Variants in KLHL29 observed in about 807,000 individuals in gnomAD.
KLHL29 encodes the protein kelch like family member 29.
A neutral mutation model predicts 80.4 loss-of-function variants in KLHL29; 21 were observed. The observed-to-expected ratio is 0.26, with a 90% CI of 0.19 to 0.38. The LOEUF is 0.38. KLHL29 is among the 10% of genes least tolerant of loss of function. The pLI is 1.00. For synonymous variants in KLHL29, 511 were observed against 526.8 expected, an observed-to-expected ratio of 0.97 and a Z score of 0.41; for missense variants, 867 against 1,223.9, an observed-to-expected ratio of 0.71 and a Z score of 4.35.
At chr2:23,543,439 A>AC (rs1360626641) in intron 2 of KLHL29, among the ~76,000 whole-genome samples, 2 of 151,860 alleles carry the variant, frequency 1.3e-5, no homozygotes, top group Non-Finnish European at 2.9e-5. Context: ...ACAGTGCCTG[A>AC]CCCCCAGTAG....
chr2:23,655,894 A>G (rs1670231276), intron 5 of KLHL29, among the ~76,000 whole-genome samples: 1 of 152,130 alleles, frequency 6.6e-6, no homozygotes, highest in South Asian at 2.1e-4. Context: ...CTGAACGGGA[A>G]TCATCACGCG....
chr2:23,403,023 G>A (rs1001149618), intron 1 of KLHL29, among the ~76,000 whole-genome samples: 1 of 149,254 alleles, frequency 6.7e-6, no homozygotes, highest in African/African-American at 2.5e-5. Flanking sequence ...TATATATAGT[G>A]TACACTATAA....
chr2:23,391,669 A>T (rs1394890753), intron 1 of KLHL29, among the ~76,000 whole-genome samples: 1 of 152,150 alleles, frequency 6.6e-6, no homozygotes, highest in Non-Finnish European at 1.5e-5. Context: ...TCCCAACCTC[A>T]GGTAATTCGC....
intron 1 of KLHL29, among the ~76,000 whole-genome samples, chr2:23,388,255 T>C (rs1196559350): frequency 6.6e-6 from 1 of 152,208 alleles, no homozygotes; most frequent in East Asian, 1.9e-4. Flanking sequence ...CAAAGACTAG[T>C]AGAGCCCAGG....
At chr2:23,661,860 A>G (rs979945161) in intron 5 of KLHL29, among the ~76,000 whole-genome samples, 2 of 152,254 alleles carry the variant, frequency 1.3e-5, no homozygotes, top group African/African-American at 4.8e-5. Flanking sequence ...TGAGCCAGCC[A>G]AACGGTGCCT....
rs1464276445 is a variant in KLHL29, at chr2:23,629,422, G to T, written c.286-9717G>T. On this transcript the variant is annotated intron_variant, in intron 3 of 13. Transcript: ENST00000486442. The stretch of plus-strand genomic sequence containing the variant: ...ATTTCAAAGCCCCTTTGAAAATTTT[G>T]TGGGTTTTGTAATGGATGAAAAGTT... 3.3e-5 allele frequency among the ~76,000 whole-genome samples: 5 copies of T among 151,226 alleles called. 1 individual carries two copies. Among genetic ancestry groups the T allele is most frequent in the Admixed American group, 2.0e-4 (3 of 15,196 alleles).
chr2:23,456,695 T>C (rs1664063492), intron 1 of KLHL29, among the ~76,000 whole-genome samples: 1 of 152,226 alleles, frequency 6.6e-6, no homozygotes, highest in Admixed American at 6.5e-5. Flanking sequence ...GAATGCAGCG[T>C]TATCGCTGCT....
chr2:23,429,557 AGCCTG>A (rs1431033794), intron 1 of KLHL29, among the ~76,000 whole-genome samples: 2 of 152,230 alleles, frequency 1.3e-5, no homozygotes, highest in East Asian at 3.8e-4. Context: ...GTTTGAGACC[AGCCTG>A]GCCAACATGG....
chr2:23,607,212 CAGAG>C (rs1345817399), intron 3 of KLHL29, among the ~76,000 whole-genome samples: 1 of 152,140 alleles, frequency 6.6e-6, no homozygotes, highest in South Asian at 2.1e-4. Flanking sequence ...GGTGGTGACT[CAGAG>C]AGGGCCTGCA....
intron 2 of KLHL29, among the ~76,000 whole-genome samples, chr2:23,517,745 T>G (rs1279873770): frequency 6.6e-6 from 1 of 152,222 alleles, no homozygotes; most frequent in African/African-American, 2.4e-5. Context: ...CCCAGGGTTC[T>G]CTGCTCCTAG....
At chr2:23,425,712 ATT>A (rs921676303) in intron 1 of KLHL29, among the ~76,000 whole-genome samples, 55 of 152,272 alleles carry the variant, frequency 3.6e-4, no homozygotes, top group African/African-American at 1.3e-3. Flanking sequence ...CTTGCCTTAG[ATT>A]AGACTGGGTG....
At chr2:23,701,788 TTTTG>T (rs1672390048) in intron 11 of KLHL29, among the ~76,000 whole-genome samples, 2 of 45,870 alleles carry the variant, frequency 4.4e-5, no homozygotes, top group Non-Finnish European at 5.3e-5. Flanking sequence ...CATGGCTTTT[TTTTG>T]CTTTTTTTTT....
In KLHL29 at chr2:23,706,829, C is replaced by A; in HGVS notation, c.*165C>A. ...CTCTACATTGAATGTAGAAAATCAT[C>A]CTCGCCTTTGGATGAAACGGAGGCA... On this transcript the variant is annotated 3_prime_UTR_variant, in exon 14 of 14. Transcript: ENST00000486442. 1 of 556,094 alleles carries A rather than the reference C, an allele frequency of 1.8e-6. No homozygotes were observed. The highest frequency in any genetic ancestry group is 3.0e-6 in the Non-Finnish European group (1 of 336,726). The allele number at this position is 556,094 out of a possible 1,614,324, so 34.4% of individuals were successfully genotyped here. A position where few individuals can be genotyped will look rare whatever the true frequency, so the allele number is the denominator to read the frequency against.
At chr2:23,535,408 A>G (rs564473633) in intron 2 of KLHL29, among the ~76,000 whole-genome samples, 1 of 152,258 alleles carries the variant, frequency 6.6e-6, no homozygotes, top group African/African-American at 2.4e-5. Context: ...AGAAGAGAAG[A>G]TTAAAATTAA....
intron 1 of KLHL29, among the ~76,000 whole-genome samples, chr2:23,475,031 C>T (rs1664594069): frequency 6.6e-6 from 1 of 152,040 alleles, no homozygotes; most frequent in African/African-American, 2.4e-5. Flanking sequence ...AAAATTCTCC[C>T]CAGGGAACCT....
intron 2 of KLHL29, among the ~76,000 whole-genome samples, chr2:23,513,739 C>A (rs1336975142): frequency 6.6e-6 from 1 of 151,988 alleles, no homozygotes; most frequent in Non-Finnish European, 1.5e-5. Flanking sequence ...GCATTAGGAT[C>A]GAGGATGCGC....
chr2:23,412,763 G>A (rs1666896206), intron 1 of KLHL29, among the ~76,000 whole-genome samples: 1 of 152,114 alleles, frequency 6.6e-6, no homozygotes, highest in Non-Finnish European at 1.5e-5. Flanking sequence ...AGCTGGCCAG[G>A]GTGGTCCACG....
intron 3 of KLHL29, among the ~76,000 whole-genome samples, chr2:23,615,367 G>A (rs2103532853): frequency 6.6e-6 from 1 of 152,308 alleles, no homozygotes; most frequent in East Asian, 1.9e-4. Flanking sequence ...TGCCTCCCCA[G>A]CCACCCTGGG....
intron 1 of KLHL29, among the ~76,000 whole-genome samples, chr2:23,394,621 A>T (rs1461321259): frequency 2.0e-5 from 3 of 152,230 alleles, no homozygotes; most frequent in Non-Finnish European, 4.4e-5. Context: ...TTTTCTAGGA[A>T]ATATAAATTG....
Sources: gnomAD v4.1 joint callset for allele counts (sites outside exome capture counted in the v4.1 genomes callset) on GRCh38, gnomAD v4.1.1 for gene constraint, MANE v1.5 for transcripts, NCBI Gene and HGNC (gene_info 2026-07-23, HGNC 2026-07-21) for gene names.